SPTBN1: variants seen among roughly 807,000 people sequenced by gnomAD.
SPTBN1 encodes the protein spectrin beta chain, non-erythrocytic 1.
A neutral mutation model predicts 266.4 loss-of-function variants in SPTBN1; 32 were observed. The ratio of observed to expected loss-of-function variants is 0.12; its 90% CI spans 0.09 to 0.16. SPTBN1 has a LOEUF of 0.16. Ranked by LOEUF, SPTBN1 falls within the 10% of genes least tolerant of loss-of-function variation. The probability of loss-of-function intolerance (pLI) is 1.00; values close to 1 mark genes in which losing one functional copy is unlikely to be tolerated. For synonymous variants in SPTBN1, 1,336 were observed against 1,162.2 expected (o/e 1.15, Z -3.04); for missense variants, 2,296 against 3,067.1 (o/e 0.75, Z 5.94).
chr2:54,636,953 A>G (rs1042183302), intron 17 of SPTBN1, among the ~76,000 whole-genome samples: 3 of 152,176 alleles, frequency 2.0e-5, no homozygotes, highest in Non-Finnish European at 2.9e-5. Flanking sequence ...TCACGCTGCT[A>G]TTTCTCAGTT....
rs1471104046 is a variant in SPTBN1, at chr2:54,645,770, C to T, written c.4495-158C>T. Among the ~76,000 whole-genome samples, 2 of 152,204 alleles carry T rather than the reference C, an allele frequency of 1.3e-5. No homozygotes were observed. The highest frequency in any genetic ancestry group is 2.9e-5 in the Non-Finnish European group (2 of 68,024). On this transcript the variant is annotated intron_variant, in intron 21 of 35. Coordinates refer to ENST00000356805, the MANE Select transcript of SPTBN1 (RefSeq NM_003128.3). This position sits in a 1 kb window ranked among gnomAD's most constrained non-coding sequence, Gnocchi z 4.3. ...GGAAAGACTCTCCCTAGCCCTGTCT[C>T]GGAGAACAAGGGCGTGCTTCCCCAG...
At chr2:54,609,989 C>A (rs940681513) in intron 3 of SPTBN1, among the ~76,000 whole-genome samples, 1 of 151,722 alleles carries the variant, frequency 6.6e-6, no homozygotes, top group African/African-American at 2.4e-5. Flanking sequence ...GCCTTAAGTC[C>A]TGGTGCTCAC....
At chr2:54,488,703 G>A (rs1454062372) in intron 1 of SPTBN1, among the ~76,000 whole-genome samples, 1 of 151,974 alleles carries the variant, frequency 6.6e-6, no homozygotes, top group African/African-American at 2.4e-5. Flanking sequence ...ATCTCCTGAT[G>A]TATTTTTGGC....
At chr2:54,570,992 C>T (rs188011290) in intron 2 of SPTBN1, among the ~76,000 whole-genome samples, 4 of 152,134 alleles carry the variant, frequency 2.6e-5, no homozygotes, top group Admixed American at 6.5e-5. Context: ...TTGAGGGAGA[C>T]GTTTATTCCT....
chr2:54,535,555 C>T (rs556155760), intron 2 of SPTBN1, among the ~76,000 whole-genome samples: 3 of 152,146 alleles, frequency 2.0e-5, no homozygotes, highest in Admixed American at 1.3e-4. Flanking sequence ...AGGTTTCATC[C>T]GTGCTGTAGC....
At chr2:54,498,879 C>T (rs1240296150) in intron 1 of SPTBN1, among the ~76,000 whole-genome samples, 2 of 152,132 alleles carry the variant, frequency 1.3e-5, no homozygotes, top group South Asian at 2.1e-4. Flanking sequence ...AAAAGGGTAA[C>T]GGTCCCGCAG....
At chr2:54,555,490 C>T (rs1428836015) in intron 2 of SPTBN1, among the ~76,000 whole-genome samples, 1 of 152,172 alleles carries the variant, frequency 6.6e-6, no homozygotes, top group Non-Finnish European at 1.5e-5. Flanking sequence ...TTACGTCAGC[C>T]CATTCTTTTT....
rs1182623628 is a variant in SPTBN1, at chr2:54,558,578, G to T, written c.148+32012G>T. On this transcript the variant is annotated intron_variant, in intron 2 of 35. Transcript: ENST00000356805. The surrounding 1 kb of genome is among the most constrained non-coding windows in gnomAD (Gnocchi z 4.6). Reference sequence around the variant, plus strand: ...AGGGAAAGCAAGAAATTAGATGCCTGTGTGGTAACTCCTCGCGGAGCTAAG... The same window carrying T: ...AGGGAAAGCAAGAAATTAGATGCCTTTGTGGTAACTCCTCGCGGAGCTAAG... The T allele has an allele frequency of 2.9e-6, 4 of 1,364,182 alleles. No individual in the cohort carries two copies. Among genetic ancestry groups the T allele is most frequent in the South Asian group, 1.9e-5 (1 of 52,954 alleles). 84.5% of individuals were successfully genotyped at this position (1,364,182 alleles called of 1,614,324 possible).
At position 54,540,129 on chromosome 2, in the gene SPTBN1, C is replaced by A. The variant is rs1465562106; in HGVS notation, c.148+13563C>A. Among the ~76,000 whole-genome samples, 1 of 152,150 alleles carries A rather than the reference C, an allele frequency of 6.6e-6. No individual in the cohort carries two copies. The highest frequency in any genetic ancestry group is 1.5e-5 in the Non-Finnish European group (1 of 68,022). On this transcript the variant is annotated intron_variant, in intron 2 of 35. Transcript: ENST00000356805. This position sits in a 1 kb window ranked among gnomAD's most constrained non-coding sequence, Gnocchi z 5.6. Reference sequence around the variant, plus strand: ...ACCATGCTGGCACCCTGACTTCCAGCCTCCAGAACTGTGAGAGAGAAATGG... The same window carrying A: ...ACCATGCTGGCACCCTGACTTCCAGACTCCAGAACTGTGAGAGAGAAATGG...
At chr2:54,607,343 G>T (rs574243970) in intron 3 of SPTBN1, among the ~76,000 whole-genome samples, 5 of 152,138 alleles carry the variant, frequency 3.3e-5, no homozygotes, top group Middle Eastern at 6.3e-3. Flanking sequence ...TATATGGGAG[G>T]CCGGGGGGCT....
chr2:54,510,812 T>A (rs1250531329), intron 1 of SPTBN1, among the ~76,000 whole-genome samples: 1 of 150,334 alleles, frequency 6.7e-6, no homozygotes, highest in African/African-American at 2.4e-5. Context: ...TTCTTCTAAG[T>A]TTTTTCCCCC....
intron 2 of SPTBN1, chr2:54,528,211 G>A (rs888450276): frequency 2.6e-5 from 4 of 152,590 alleles, no homozygotes; most frequent in Non-Finnish European, 5.9e-5. Context: ...TTTCATTTGA[G>A]TCTTTAGGCC....
At chr2:54,599,538 G>C (rs1368807099) in intron 3 of SPTBN1, among the ~76,000 whole-genome samples, 1 of 152,220 alleles carries the variant, frequency 6.6e-6, no homozygotes, top group Non-Finnish European at 1.5e-5. Context: ...GCTGGAATTT[G>C]AAGGGCCAGG....
intron 2 of SPTBN1, among the ~76,000 whole-genome samples, chr2:54,578,363 TTGAG>T (rs1289915685): frequency 9.2e-5 from 14 of 152,104 alleles, no homozygotes; most frequent in African/African-American, 2.9e-4. Flanking sequence ...TTTCGACTGG[TTGAG>T]TGTTTGTTGG....
At chr2:54,590,417 C>G (rs555349408) in intron 2 of SPTBN1, among the ~76,000 whole-genome samples, 47 of 152,282 alleles carry the variant, frequency 3.1e-4, no homozygotes, top group Non-Finnish European at 5.6e-4. Context: ...ACTCATTGAA[C>G]AAATGTTTAT....
rs767697039 is a variant in SPTBN1, at chr2:54,628,083, C to T, written c.1645-14C>T. 4 of 1,598,226 alleles carry T rather than the reference C, an allele frequency of 2.5e-6. No homozygotes were observed. In the East Asian group the frequency reaches 9.0e-5, roughly 36 times the overall value. ...ATAGTCACAGATGTCCTTTTGGTTG[C>T]TTCTTGTGCACAGGTGCTAGTATTG... On this transcript the variant is annotated splice_polypyrimidine_tract_variant and intron_variant, in intron 12 of 35. Coordinates refer to ENST00000356805, the MANE Select transcript of SPTBN1 (RefSeq NM_003128.3). The surrounding 1 kb of genome is among the most constrained non-coding windows in gnomAD (Gnocchi z 4.3).
rs1673007742 is a variant in SPTBN1 at position 54,558,207 on chromosome 2, C to T, written c.148+31641C>T. The T allele has an allele frequency of 1.0e-6, 1 of 985,258 alleles. No individual in the cohort carries two copies. Among genetic ancestry groups the T allele is most frequent in the Admixed American group, 6.1e-5 (1 of 16,266 alleles). 61.0% of individuals were successfully genotyped at this position (985,258 alleles called of 1,614,324 possible). On this transcript the variant is annotated intron_variant, in intron 2 of 35. Transcript: ENST00000356805. The surrounding 1 kb of genome is among the most constrained non-coding windows in gnomAD (Gnocchi z 4.6). Reference sequence around the variant, plus strand: ...GGCGGCTGCCGGGCGGCTGGGGCGACCGCGGACCGTGCGGGACCGGTAGGG... The same window carrying T: ...GGCGGCTGCCGGGCGGCTGGGGCGATCGCGGACCGTGCGGGACCGGTAGGG...
At chr2:54,604,921 A>G (rs1003585518) in intron 3 of SPTBN1, among the ~76,000 whole-genome samples, 13 of 152,200 alleles carry the variant, frequency 8.5e-5, no homozygotes, top group African/African-American at 2.9e-4. Flanking sequence ...TAGTCACAGG[A>G]GTCTGGTATC....
rs751462987 is a variant in SPTBN1 at position 54,622,439 on chromosome 2, A to G, written c.1016A>G (p.Gln339Arg). Residue 339 changes from glutamine to arginine, a missense_variant, in exon 9 of 36, where the codon CAG (glutamine) becomes CGG (arginine). Around this residue, in one of 12 missense-constraint regions of SPTBN1, gnomAD observed 148 missense variants for 203.8 expected, o/e 0.73. Coordinates refer to ENST00000356805, the MANE Select transcript of SPTBN1 (RefSeq NM_003128.3). ...GCCAATTCACTGGTCGGGGTTCAAC[A>G]GCAGCTTCAGGCATTCAACACTTAC... ...KFANSLVGVQQQLQAFNTYRT... is the reference protein window; with the variant it reads ...KFANSLVGVQRQLQAFNTYRT... The G allele has an allele frequency of 3.7e-6, 6 of 1,614,218 alleles. No individual in the cohort carries two copies. The highest frequency in any genetic ancestry group is 5.1e-6 in the Non-Finnish European group (6 of 1,180,038).
Sources: gnomAD v4.1 joint callset for allele counts (sites outside exome capture counted in the v4.1 genomes callset) on GRCh38, gnomAD v4.1.1 for gene constraint, gnomAD v4.1.1 regional missense constraint, Gnocchi (gnomAD v3.1) non-coding constraint, MANE v1.5 for transcripts, NCBI Gene and HGNC (gene_info 2026-07-23, HGNC 2026-07-21) for gene names.